Variants in MAP3K9 observed in about 807,000 individuals in gnomAD.
MAP3K9 encodes mitogen-activated protein kinase kinase kinase 9.
A neutral mutation model predicts 95.8 loss-of-function variants in MAP3K9; 46 were observed. The ratio of observed to expected loss-of-function variants is 0.48; its 90% CI spans 0.38 to 0.61. MAP3K9 has a LOEUF of 0.61. Among genes scored for constraint, MAP3K9 ranks in the 20% least tolerant of loss-of-function variants. The pLI is 0.00. For missense variants in MAP3K9, 1,296 were observed against 1,474.3 expected (o/e 0.88, Z 1.98); for synonymous variants, 533 against 593.8 (o/e 0.90, Z 1.49).
At chr14:70,772,263 C>T (rs1479466521) in intron 2 of MAP3K9, among the ~76,000 whole-genome samples, 1 of 152,188 alleles carries the variant, frequency 6.6e-6, no homozygotes, top group Non-Finnish European at 1.5e-5. Flanking sequence ...GCCAAGAGTC[C>T]CTGCCACAGT....
rs369416461 is a variant in MAP3K9, at chr14:70,798,960, G to A, written c.820+1707C>T. On this transcript the variant is annotated intron_variant, in intron 2 of 11. Coordinates refer to ENST00000554752, the MANE Select transcript of MAP3K9 (RefSeq NM_001284230.2). ...TATCTAATGTTCCATACCCTTACAA[G>A]AAGGAGTTTTTCTATTATTAAGGGG... Among the ~76,000 whole-genome samples the A allele has an allele frequency of 2.3e-3, 357 of 152,206 alleles. 1 individual carries two copies. Among genetic ancestry groups the A allele is most frequent in the African/African-American group, 8.2e-3 (339 of 41,504 alleles).
chr14:70,752,239 C>G (rs1384667522), intron 3 of MAP3K9, among the ~76,000 whole-genome samples: 2 of 152,210 alleles, frequency 1.3e-5, no homozygotes, highest in Non-Finnish European at 2.9e-5. Flanking sequence ...TTACTCAGCC[C>G]ATTTGGGCTG....
chr14:70,806,753 T>C (rs957122536), intron 1 of MAP3K9, among the ~76,000 whole-genome samples: 5 of 152,244 alleles, frequency 3.3e-5, no homozygotes, highest in Admixed American at 2.6e-4. Context: ...GAGTTCCTGA[T>C]CACGAACCTC....
At chr14:70,766,629 G>A (rs536701761) in intron 2 of MAP3K9, among the ~76,000 whole-genome samples, 1 of 152,300 alleles carries the variant, frequency 6.6e-6, no homozygotes, top group African/African-American at 2.4e-5. Context: ...CCCCTCAGCA[G>A]TAGGTGTAAT....
chr14:70,766,192 A>G (rs1340504650), intron 2 of MAP3K9, among the ~76,000 whole-genome samples: 1 of 152,158 alleles, frequency 6.6e-6, no homozygotes, highest in Non-Finnish European at 1.5e-5. Flanking sequence ...GTCTAGGTTC[A>G]CTGTAACAAG....
chr14:70,735,366 CTT>C (rs10716151), intron 9 of MAP3K9, among the ~76,000 whole-genome samples: 582 of 140,066 alleles, frequency 4.2e-3, no homozygotes, highest in Middle Eastern at 0.022. Flanking sequence ...CAGAGTGGCT[CTT>C]TTTTTTTTTT....
At position 70,732,924 on chromosome 14, in the gene MAP3K9, A is replaced by C. The variant is rs768440980; in HGVS notation, c.2445T>G (p.Leu815=). ...RRSTSPPSRK[L]FKKEEPMLLL... ...ACAGCATGGGCTCCTCCTTCTTGAA[A>C]AGCTTTCGGGATGGGGGGCTGGTGC... Residue 815 remains leucine, a synonymous_variant, in exon 11 of 12, where the codon CTT becomes CTG. Transcript: ENST00000554752. 6.2e-7 allele frequency: 1 copy of C among 1,613,908 alleles called. No individual in the cohort carries two copies. The highest frequency in any genetic ancestry group is 1.1e-5 in the South Asian group (1 of 91,064).
At chr14:70,734,925 G>A (rs1302828598) in intron 9 of MAP3K9, among the ~76,000 whole-genome samples, 1 of 152,268 alleles carries the variant, frequency 6.6e-6, no homozygotes, top group Non-Finnish European at 1.5e-5. Flanking sequence ...CCGGGCAGCC[G>A]AGCTAGCAGA....
Position 70,740,067 on chromosome 14 carries a change from G to A in MAP3K9, c.1665C>T (p.Ile555=), listed in dbSNP as rs774734292. ...SRSSPPASPT[I]IPRLRAIQLT... ...ACTGGATGGCTCGAAGGCGAGGAAT[G>A]ATGGTGGGGCTTGCAGGAGGACTGG... The change falls in exon 7 of 12, where the codon ATC becomes ATT. Residue 555 remains isoleucine (I), a synonymous_variant. Transcript: ENST00000554752. 3.7e-6 allele frequency: 6 copies of A among 1,614,218 alleles called. No homozygotes were observed. The South Asian group carries it at 5.5e-5, about 15-fold the overall frequency.
chr14:70,730,224 G>A lies in MAP3K9; in HGVS notation c.*156C>T. On this transcript the variant is annotated 3_prime_UTR_variant, in exon 12 of 12. Transcript: ENST00000554752. ...CCTGCAGGGCAGGAGACCCTCTGAA[G>A]TGGCCCTGTTTCCATCCCTTCCATC... The A allele has an allele frequency of 9.0e-7, 1 of 1,105,698 alleles. No homozygotes were observed. Among genetic ancestry groups the A allele is most frequent in the Non-Finnish European group, 1.3e-6 (1 of 791,270 alleles). 68.5% of individuals were successfully genotyped at this position (1,105,698 alleles called of 1,614,324 possible).
intron 3 of MAP3K9, among the ~76,000 whole-genome samples, chr14:70,758,243 C>T (rs910875393): frequency 1.3e-5 from 2 of 152,120 alleles, no homozygotes; most frequent in African/African-American, 4.8e-5. Context: ...GATATTTCTT[C>T]AGGTTCAGAG....
chr14:70,748,910 G>A lies in MAP3K9; in HGVS notation c.1245C>T (p.Pro415=), dbSNP rs767965960. 1 of 1,614,100 alleles carries A rather than the reference G, an allele frequency of 6.2e-7. No homozygotes were observed. Among genetic ancestry groups the A allele is most frequent in the South Asian group, 1.1e-5 (1 of 91,076 alleles). Residue 415 remains proline (P), a synonymous_variant, in exon 5 of 12, where the codon CCC becomes CCT. Coordinates refer to ENST00000554752, the MANE Select transcript of MAP3K9 (RefSeq NM_001284230.2). ...CCTGCAGGCAGTGGAAGGAGTCCTT[G>A]GGCATTTCAAAGAAACCAGACTCCT... ...TIEESGFFEM[P]KDSFHCLQDN...
At chr14:70,774,303 T>C (rs979919313) in intron 2 of MAP3K9, among the ~76,000 whole-genome samples, 18 of 152,340 alleles carry the variant, frequency 1.2e-4, no homozygotes, top group African/African-American at 2.6e-4. Flanking sequence ...GAGACCTTTG[T>C]TATTTATTAC....
chr14:70,774,865 G>C (rs1235280910), intron 2 of MAP3K9, among the ~76,000 whole-genome samples: 1 of 150,976 alleles, frequency 6.6e-6, no homozygotes, highest in African/African-American at 2.4e-5. Context: ...CGCATCTGTA[G>C]TCCCAGCTAC....
chr14:70,798,482 T>TTTTG (rs2054890862), intron 2 of MAP3K9, among the ~76,000 whole-genome samples: 1 of 131,710 alleles, frequency 7.6e-6, no homozygotes, highest in Non-Finnish European at 1.6e-5. Flanking sequence ...TTTTTTTTTT[T>TTTTG]TTTTTTTTTT....
intron 3 of MAP3K9, among the ~76,000 whole-genome samples, chr14:70,757,503 T>C (rs6573979): frequency 0.56 from 83,965 of 150,382 alleles, 23,601 homozygotes; most frequent in Middle Eastern, 0.66. Flanking sequence ...AGCTACAGAT[T>C]TGATGCAATT....
intron 7 of MAP3K9, 68 bp downstream of exon 7, chr14:70,739,974 G>A (rs1211773932): frequency 6.2e-7 from 1 of 1,614,196 alleles, no homozygotes; most frequent in South Asian, 1.1e-5. Flanking sequence ...CCAGTCGGTG[G>A]CTGGACAGAG....
chr14:70,796,477 G>A (rs540177844), intron 2 of MAP3K9, among the ~76,000 whole-genome samples: 1 of 152,286 alleles, frequency 6.6e-6, no homozygotes, highest in Non-Finnish European at 1.5e-5. Context: ...TGGTAAGACT[G>A]CTAGCTGCCA....
chr14:70,796,360 G>C (rs1361827373), intron 2 of MAP3K9, among the ~76,000 whole-genome samples: 1 of 152,168 alleles, frequency 6.6e-6, no homozygotes, highest in Non-Finnish European at 1.5e-5. Flanking sequence ...GTTAAGCCAG[G>C]GGTCTGAGCC....
Sources: allele counts gnomAD v4.1 joint callset (sites outside exome capture counted in the v4.1 genomes callset), GRCh38; gene constraint gnomAD v4.1.1; transcripts MANE v1.5; gene names NCBI Gene and HGNC (gene_info 2026-07-23, HGNC 2026-07-21).